The following TRPV1 variants were observed in gnomAD, a reference collection of about 807,000 sequenced individuals.
TRPV1 encodes the protein transient receptor potential cation channel subfamily V member 1.
Under a neutral mutation model 82.3 loss-of-function variants are expected in TRPV1, and 82 were observed. That is an observed-to-expected ratio of 1.00 (90% CI 0.83 to 1.20). TRPV1 has a LOEUF of 1.20. Ranked by LOEUF, TRPV1 falls within the 50% of genes most tolerant of loss-of-function variation. The pLI is 0.00. For missense variants in TRPV1, 1,067 were observed against 1,096.8 expected, an observed-to-expected ratio of 0.97 and a Z score of 0.38; for synonymous variants, 515 against 467.7, an observed-to-expected ratio of 1.10 and a Z score of -1.30.
chr17:3,568,168 A>G (rs1418244169), intron 16 of TRPV1, among the ~76,000 whole-genome samples: 2 of 151,980 alleles, frequency 1.3e-5, no homozygotes, highest in East Asian at 1.9e-4. Flanking sequence ...TAAAAATACA[A>G]AAAATTAGCC....
At chr17:3,601,340 C>A (rs1394927508) in intron 2 of TRPV1, among the ~76,000 whole-genome samples, 2 of 152,030 alleles carry the variant, frequency 1.3e-5, no homozygotes, top group African/African-American at 2.4e-5. Flanking sequence ...GGCCCCCTTG[C>A]CTCTCAGGGG....
intron 2 of TRPV1, among the ~76,000 whole-genome samples, chr17:3,594,643 G>A (rs192446825): frequency 6.6e-6 from 1 of 152,352 alleles, no homozygotes; most frequent in Non-Finnish European, 1.5e-5. Context: ...CAGCAGGAGT[G>A]TTCCCGGCCA....
chr17:3,577,871 A>G, intron 11 of TRPV1, 108 bp from the exon 12 acceptor site: 2 of 1,073,598 alleles, frequency 1.9e-6, no homozygotes, highest in Non-Finnish European at 2.7e-6. Flanking sequence ...AGGCCGCAAT[A>G]GGAGCTAGGG....
In TRPV1 at chr17:3,571,516, C is replaced by G. The variant is rs200793682; in HGVS notation, c.2347+8G>C. 7 of 1,583,448 alleles carry G rather than the reference C, an allele frequency of 4.4e-6. No homozygotes were observed. The highest frequency in any genetic ancestry group is 6.0e-6 in the Non-Finnish European group (7 of 1,164,376). On this transcript the variant is annotated splice_region_variant and intron_variant, in intron 16 of 16. Transcript: ENST00000572705. ...AGGAGGCGCCAAGCACCGGCCCTCA[C>G]GCCTCACCTCTGCTTGACCGCAGGG...
intron 9 of TRPV1, among the ~76,000 whole-genome samples, chr17:3,583,885 T>C (rs1173934017): frequency 6.6e-6 from 1 of 152,194 alleles, no homozygotes; most frequent in Non-Finnish European, 1.5e-5. Flanking sequence ...GTCACCCTTG[T>C]ATTTCAGTGG....
chr17:3,592,497 C>G (rs1597546199), intron 2 of TRPV1, 114 bp from the exon 3 acceptor site: 3 of 1,060,328 alleles, frequency 2.8e-6, no homozygotes, highest in Non-Finnish European at 4.0e-6. Flanking sequence ...AAAACTCCAA[C>G]TTGCTGCTGC....
chr17:3,588,382 C>T lies in TRPV1; in HGVS notation c.1045-15G>A. 1 of 1,549,992 alleles carries T rather than the reference C, an allele frequency of 6.5e-7. No individual in the cohort carries two copies. The highest frequency in any genetic ancestry group is 8.7e-7 in the Non-Finnish European group (1 of 1,145,864). ...TAGGCCAAGACCTGCCCCCGGGGAG[C>T]AAGAGCCCGTCAGAGGCCAGCCCCA... On this transcript the variant is annotated splice_polypyrimidine_tract_variant and intron_variant, in intron 7 of 16. Transcript: ENST00000572705.
Position 3,566,675 on chromosome 17 carries a change from C to G in TRPV1, c.*140G>C. ...TCCAAGAACGCTTCCCACAGCTTGTCCAGCACAGATTTGGGAACATGCTGG... is the reference window on the plus strand; with the variant it reads ...TCCAAGAACGCTTCCCACAGCTTGTGCAGCACAGATTTGGGAACATGCTGG... On this transcript the variant is annotated 3_prime_UTR_variant, in exon 17 of 17. Coordinates refer to ENST00000572705, the MANE Select transcript of TRPV1 (RefSeq NM_080704.4). 9.4e-7 allele frequency: 1 copy of G among 1,059,654 alleles called. No homozygotes were observed. The highest frequency in any genetic ancestry group is 2.6e-5 in the East Asian group (1 of 38,468). The allele number at this position is 1,059,654 out of a possible 1,614,324, so 65.6% of individuals were successfully genotyped here.
In TRPV1 at chr17:3,580,425, C is replaced by T. The variant is rs766062239; in HGVS notation, c.1547+32G>A. The T allele has an allele frequency of 2.5e-6, 4 of 1,613,132 alleles. No individual in the cohort carries two copies. In the African/African-American group the frequency reaches 5.3e-5, roughly 22 times the overall value. ...AGAACTGATTGCGGTCACCTGGGGA[C>T]TGGACTGGGAATGAGTCAAAGTGTC... is the stretch of plus-strand genomic sequence containing the variant. On this transcript the variant is annotated intron_variant, in intron 11 of 16. Transcript: ENST00000572705.
At chr17:3,581,859 TG>T (rs1368875044) in intron 10 of TRPV1, among the ~76,000 whole-genome samples, 1 of 138,724 alleles carries the variant, frequency 7.2e-6, no homozygotes, top group Admixed American at 7.8e-5. Context: ...CACTCCAGCC[TG>T]GGCAACTAAG....
intron 2 of TRPV1, among the ~76,000 whole-genome samples, chr17:3,594,368 C>G (rs554366663): frequency 3.9e-4 from 59 of 151,462 alleles, no homozygotes; most frequent in Non-Finnish European, 7.5e-4. Flanking sequence ...ATCTCCCAAG[C>G]CAGAATGGCT....
intron 2 of TRPV1, among the ~76,000 whole-genome samples, chr17:3,603,850 G>A (rs2075280293): frequency 6.6e-6 from 1 of 152,198 alleles, no homozygotes. Context: ...GAGGGGAGAG[G>A]CCAGGTGAGA....
chr17:3,582,859 AT>A (rs1332258004), intron 10 of TRPV1, among the ~76,000 whole-genome samples: 1 of 110,812 alleles, frequency 9.0e-6, no homozygotes, highest in Non-Finnish European at 2.1e-5. Flanking sequence ...ACTCAGGAGA[AT>A]TTTTTGAACC....
At chr17:3,578,106 C>T (rs1468768540) in intron 11 of TRPV1, 1 of 182,082 alleles carries the variant, frequency 5.5e-6, no homozygotes, top group Non-Finnish European at 1.2e-5. Context: ...AGTTCGAGGC[C>T]AGCCTGACCA....
intron 2 of TRPV1, among the ~76,000 whole-genome samples, chr17:3,594,570 C>T (rs1412863690): frequency 6.6e-6 from 1 of 152,224 alleles, no homozygotes; most frequent in Middle Eastern, 3.2e-3. Context: ...CCCTGCCTGC[C>T]TGTTGATCCA....
At chr17:3,571,947 G>T (rs1168840525) in intron 15 of TRPV1, among the ~76,000 whole-genome samples, 175 bp downstream of exon 15, 1 of 152,064 alleles carries the variant, frequency 6.6e-6, no homozygotes, top group African/African-American at 2.4e-5. Context: ...ATCTAAGATG[G>T]TCCCCTGTGC....
Position 3,573,818 on chromosome 17 carries a change from TGAAC to T in TRPV1, c.1914_1917del (p.Phe639SerfsTer29), listed in dbSNP as rs753367244. 2 of 1,613,756 alleles carry T rather than the reference TGAAC, an allele frequency of 1.2e-6. No individual in the cohort carries two copies. The highest frequency in any genetic ancestry group is 2.2e-5 in the South Asian group (2 of 91,064). ...AGGTCGCCCATGCCGATGGTGAACT[TGAAC>T]AGCTCCAGGCAGGTGGAGTACAGGC... On this transcript the variant is annotated frameshift_variant, in exon 14 of 17. Transcript: ENST00000572705. LOFTEE classifies it high-confidence loss of function.
chr17:3,585,604 G>A (rs1465004486), intron 9 of TRPV1, 164 bp downstream of exon 9: 15 of 812,708 alleles, frequency 1.8e-5, no homozygotes, highest in East Asian at 2.7e-5. Context: ...GGAGATGGGC[G>A]CAGGGATACG....
At chr17:3,579,384 G>C (rs529729807) in intron 11 of TRPV1, among the ~76,000 whole-genome samples, 1 of 152,278 alleles carries the variant, frequency 6.6e-6, no homozygotes, top group Non-Finnish European at 1.5e-5. Context: ...GAGATCCCAG[G>C]AGACAGGTCC....
Sources: gnomAD v4.1 joint callset for allele counts (sites outside exome capture counted in the v4.1 genomes callset) on GRCh38, gnomAD v4.1.1 for gene constraint, MANE v1.5 for transcripts, NCBI Gene and HGNC (gene_info 2026-07-23, HGNC 2026-07-21) for gene names.